The following TCF12 variants were observed in gnomAD, a reference collection of about 807,000 sequenced individuals.
The protein encoded by TCF12 is transcription factor 12, also known as DNA-binding protein HTF4.
Under a neutral mutation model 86.0 loss-of-function variants are expected in TCF12, and 45 were observed. That is an observed-to-expected ratio of 0.52 (90% CI 0.41 to 0.67). TCF12 has a LOEUF of 0.67. Among genes scored for constraint, TCF12 ranks in the 30% least tolerant of loss-of-function variants. TCF12 has a pLI of 0.00. For missense variants in TCF12, 881 were observed against 859.9 expected, an observed-to-expected ratio of 1.02 and a Z score of -0.31; for synonymous variants, 330 against 299.6, an observed-to-expected ratio of 1.10 and a Z score of -1.05.
intron 18 of TCF12, among the ~76,000 whole-genome samples, chr15:57,266,027 C>T (rs1350351490): frequency 2.6e-5 from 4 of 152,074 alleles, no homozygotes; most frequent in Non-Finnish European, 5.9e-5. Context: ...CTGATTTAAA[C>T]AAGCAAATTA....
At chr15:57,273,780 C>A (rs2061256196) in intron 19 of TCF12, among the ~76,000 whole-genome samples, 1 of 152,126 alleles carries the variant, frequency 6.6e-6, no homozygotes, top group Non-Finnish European at 1.5e-5. Flanking sequence ...TGACCCCAGA[C>A]CAGGAACACC....
At chr15:57,024,738 G>C (rs2065717260) in intron 3 of TCF12, among the ~76,000 whole-genome samples, 2 of 152,166 alleles carry the variant, frequency 1.3e-5, no homozygotes, top group South Asian at 4.1e-4. Flanking sequence ...GTAATTGGAA[G>C]AATAGTGCCA....
At chr15:56,959,441 C>G (rs1393448939) in intron 3 of TCF12, among the ~76,000 whole-genome samples, 1 of 152,162 alleles carries the variant, frequency 6.6e-6, no homozygotes, top group African/African-American at 2.4e-5. Flanking sequence ...AAAAATAGTG[C>G]TCTCCCTTCC....
chr15:56,998,047 G>A (rs952067294), intron 3 of TCF12, among the ~76,000 whole-genome samples: 1 of 152,064 alleles, frequency 6.6e-6, no homozygotes, highest in Non-Finnish European at 1.5e-5. Context: ...AATAGATGAA[G>A]CAAAATCTGA....
chr15:57,156,907 A>G (rs567197692), intron 5 of TCF12, among the ~76,000 whole-genome samples: 6 of 152,256 alleles, frequency 3.9e-5, no homozygotes, highest in Non-Finnish European at 7.3e-5. Context: ...TTAGACGAGC[A>G]TTGATACAAG....
chr15:57,086,034 A>G (rs2048600082), intron 4 of TCF12, among the ~76,000 whole-genome samples: 1 of 152,076 alleles, frequency 6.6e-6, no homozygotes. Context: ...AAAACTCAGC[A>G]GCATTTTAAA....
intron 3 of TCF12, among the ~76,000 whole-genome samples, chr15:57,043,917 A>C (rs565524808): frequency 6.6e-6 from 1 of 152,210 alleles, no homozygotes; most frequent in East Asian, 1.9e-4. Flanking sequence ...CCCGTCATGC[A>C]TTGTTTTTAA....
intron 3 of TCF12, among the ~76,000 whole-genome samples, chr15:56,986,025 T>A (rs1279952737): frequency 6.6e-6 from 1 of 151,962 alleles, no homozygotes; most frequent in Non-Finnish European, 1.5e-5. Context: ...TGTCAGTTCT[T>A]TTGTAATGCT....
At chr15:57,048,941 C>T (rs1353656657) in intron 3 of TCF12, among the ~76,000 whole-genome samples, 1 of 152,130 alleles carries the variant, frequency 6.6e-6, no homozygotes, top group Non-Finnish European at 1.5e-5. Context: ...GGAGGGCTTC[C>T]AGCATTGAAC....
rs561091949 is a variant in TCF12 at position 57,057,857 on chromosome 15, G to A, written c.149-5893G>A. Among the ~76,000 whole-genome samples the A allele has an allele frequency of 1.4e-4, 22 of 152,262 alleles. No individual in the cohort carries two copies. The East Asian group carries it at 1.9e-3, about 13-fold the overall frequency. On this transcript the variant is annotated intron_variant, in intron 3 of 20. Coordinates refer to ENST00000333725, the MANE Select transcript of TCF12 (RefSeq NM_207037.2). ...TGATTGTGTTAAAAATAGCATCAAC[G>A]TTTTGTTTTTTGTTTTTCCTTTCTT...
chr15:57,246,981 C>T (rs760352231), intron 13 of TCF12: 36 of 540,274 alleles, frequency 6.7e-5, no homozygotes, highest in Non-Finnish European at 1.2e-4. Flanking sequence ...GCTACCATAT[C>T]CACCACTTTC....
intron 4 of TCF12, among the ~76,000 whole-genome samples, chr15:57,079,298 A>G (rs1359844837): frequency 6.6e-6 from 1 of 152,156 alleles, no homozygotes; most frequent in Non-Finnish European, 1.5e-5. Flanking sequence ...TACTAGGTGA[A>G]GATGCTGACT....
intron 16 of TCF12, among the ~76,000 whole-genome samples, 188 bp downstream of exon 16, chr15:57,253,656 G>A (rs2060218724): frequency 6.6e-6 from 1 of 152,140 alleles, no homozygotes; most frequent in Admixed American, 6.6e-5. Flanking sequence ...TTGTGACCTT[G>A]TGCAAAAAGC....
At chr15:57,150,871 G>GTCCCTCCC (rs766977327) in intron 5 of TCF12, among the ~76,000 whole-genome samples, 4,037 of 48,806 alleles carry the variant, frequency 0.083, 437 homozygotes, top group Admixed American at 0.12. Context: ...CTCCCCCTCT[G>GTCCCTCCC]TCCCTTCCTT....
At chr15:57,101,413 G>A (rs1319884641) in intron 5 of TCF12, among the ~76,000 whole-genome samples, 6 of 152,010 alleles carry the variant, frequency 3.9e-5, no homozygotes, top group East Asian at 1.9e-4. Flanking sequence ...GTCTTGTTGC[G>A]CTGCCCAGGC....
intron 4 of TCF12, among the ~76,000 whole-genome samples, chr15:57,067,879 A>G (rs1596368432): frequency 6.6e-6 from 1 of 152,342 alleles, no homozygotes; most frequent in East Asian, 1.9e-4. Context: ...AATCTCAGGT[A>G]GTTTAGACAT....
chr15:57,079,254 G>A (rs898524578), intron 4 of TCF12, among the ~76,000 whole-genome samples: 7 of 152,132 alleles, frequency 4.6e-5, no homozygotes, highest in Non-Finnish European at 7.4e-5. Context: ...GTTTTTCTCT[G>A]GTAATGGATC....
chr15:57,121,009 C>T (rs1483475449), intron 5 of TCF12, among the ~76,000 whole-genome samples: 2 of 152,148 alleles, frequency 1.3e-5, no homozygotes, highest in African/African-American at 4.8e-5. Flanking sequence ...AGGAAAATGC[C>T]TGTTGTCTCT....
intron 3 of TCF12, among the ~76,000 whole-genome samples, chr15:56,936,111 A>C (rs1344167179): frequency 6.6e-6 from 1 of 152,178 alleles, no homozygotes; most frequent in Non-Finnish European, 1.5e-5. Context: ...TCCCACAAGC[A>C]ATGTAGAAGT....
Sources: allele counts gnomAD v4.1 joint callset (sites outside exome capture counted in the v4.1 genomes callset), GRCh38; gene constraint gnomAD v4.1.1; transcripts MANE v1.5; gene names NCBI Gene and HGNC (gene_info 2026-07-23, HGNC 2026-07-21).